The following LCOR variants were observed in gnomAD, a reference collection of about 807,000 sequenced individuals.
The protein encoded by LCOR is ligand-dependent corepressor.
A neutral mutation model predicts 64.4 loss-of-function variants in LCOR; 14 were observed. That is an observed-to-expected ratio of 0.22 (90% CI 0.14 to 0.34). LCOR has a LOEUF of 0.34. Among genes scored for constraint, LCOR ranks in the 10% least tolerant of loss-of-function variants. The pLI is 1.00. For missense variants in LCOR, 1,686 were observed against 1,765.3 expected (o/e 0.96, Z 0.80); for synonymous variants, 643 against 642.5 (o/e 1.00, Z -0.01).
In LCOR at chr10:96,915,695, A is replaced by T. The variant is rs537670527; in HGVS notation, c.-184+7948A>T. On this transcript the variant is annotated intron_variant, in intron 4 of 7. Coordinates refer to ENST00000421806, the MANE Select transcript of LCOR (RefSeq NM_001346516.2). Reference sequence around the variant, plus strand: ...TCTGATTTGGCATTTCCCATTTTCTACAGGGTTATTCACCTCCTTGCCAGC... The same window carrying T: ...TCTGATTTGGCATTTCCCATTTTCTTCAGGGTTATTCACCTCCTTGCCAGC... 1.1e-5 allele frequency: 8 copies of T among 739,026 alleles called. No homozygotes were observed. The East Asian group carries it at 2.1e-4, about 20-fold the overall frequency. The allele number at this position is 739,026 out of a possible 1,614,324, so 45.8% of individuals were successfully genotyped here. A position where few individuals can be genotyped will look rare whatever the true frequency, so the allele number is the denominator to read the frequency against.
Position 96,984,781 on chromosome 10 carries a change from G to C in LCOR, c.4321G>C (p.Asp1441His). 1 of 1,614,052 alleles carries C rather than the reference G, an allele frequency of 6.2e-7. No individual in the cohort carries two copies. Among genetic ancestry groups the C allele is most frequent in the Non-Finnish European group, 8.5e-7 (1 of 1,180,006 alleles). ...TGCTGCCAAGAGGCCAGCTGCAAGG[G>C]ACAGAAGCAGCCAACCCCCCAAAAA... ...TPAAKRPAAR[D>H]RSSQPPKKTS... The change falls in exon 8 of 8, where the codon GAC (aspartate) becomes CAC (histidine). Residue 1441 changes from aspartate to histidine, a missense_variant. Physicochemically the swap from Asp to His is moderately conservative, Grantham distance 81. Transcript: ENST00000421806.
At chr10:96,880,381 A>G (rs969656177) in intron 2 of LCOR, among the ~76,000 whole-genome samples, 1 of 152,058 alleles carries the variant, frequency 6.6e-6, no homozygotes, top group Admixed American at 6.6e-5. Context: ...TAGGTTATCT[A>G]TATTCCTTGT....
intron 2 of LCOR, among the ~76,000 whole-genome samples, chr10:96,846,877 T>C (rs778513665): frequency 3.2e-4 from 49 of 152,236 alleles, no homozygotes; most frequent in Non-Finnish European, 6.3e-4. Flanking sequence ...TGCTTAACTT[T>C]ATGTAACATA....
chr10:96,956,683 A>G (rs1395505455), intron 7 of LCOR: 1 of 985,784 alleles, frequency 1.0e-6, no homozygotes, highest in African/African-American at 1.7e-5. Flanking sequence ...CTAAGGGTAG[A>G]ATTTGGTCTC....
rs866073926 is a variant in LCOR, at chr10:96,961,258, G to A, written c.332+9062G>A. 3 of 152,116 alleles carry A rather than the reference G, an allele frequency of 2.0e-5. No individual in the cohort carries two copies. The South Asian group carries it at 6.2e-4, about 32-fold the overall frequency. 9.4% of individuals were successfully genotyped at this position (152,116 alleles called of 1,614,324 possible). ...CATGAGCTAATTCTGCAACCGTTTGGGGGGTAATTTTATGGTTTCCAGTTC... is the reference window on the plus strand; with the variant it reads ...CATGAGCTAATTCTGCAACCGTTTGAGGGGTAATTTTATGGTTTCCAGTTC... On this transcript the variant is annotated intron_variant, in intron 7 of 7. Transcript: ENST00000421806.
Position 96,983,583 on chromosome 10 carries a change from C to T in LCOR, c.3123C>T (p.Tyr1041=). The change falls in exon 8 of 8, where the codon TAC becomes TAT. Residue 1041 remains tyrosine, a synonymous_variant. Transcript: ENST00000421806. The surrounding 1 kb of genome is among the most constrained non-coding windows in gnomAD (Gnocchi z 4.5). ...PRPKRLTSST[Y]NLRHAHSLGS... ...CTAAAAGATTGACCTCTTCAACCTA[C>T]AACCTAAGACACGCTCATTCTCTGG... 6.2e-7 allele frequency: 1 copy of T among 1,614,184 alleles called. No homozygotes were observed. The highest frequency in any genetic ancestry group is 8.5e-7 in the Non-Finnish European group (1 of 1,180,042).
At chr10:96,926,816 T>C in intron 4 of LCOR, among the ~76,000 whole-genome samples, 1 of 152,324 alleles carries the variant, frequency 6.6e-6, no homozygotes, top group Admixed American at 6.5e-5. Context: ...TTGACTTCTT[T>C]TTGTTAGCAT....
At chr10:96,857,159 TCA>T (rs1845820152) in intron 2 of LCOR, among the ~76,000 whole-genome samples, 1 of 152,172 alleles carries the variant, frequency 6.6e-6, no homozygotes, top group Non-Finnish European at 1.5e-5. Flanking sequence ...TATTTCTATC[TCA>T]CAAGACATTT....
intron 4 of LCOR, among the ~76,000 whole-genome samples, chr10:96,922,749 CT>C (rs1317401375): frequency 6.6e-6 from 1 of 152,122 alleles, no homozygotes; most frequent in African/African-American, 2.4e-5. Context: ...ACAGCAAATG[CT>C]GATTATAGAT....
At chr10:96,888,237 C>G (rs561868570) in intron 2 of LCOR, among the ~76,000 whole-genome samples, 3 of 150,634 alleles carry the variant, frequency 2.0e-5, no homozygotes, top group Admixed American at 1.3e-4. Context: ...TGGTGGTGGC[C>G]GCCTGTAATC....
At position 96,982,624 on chromosome 10, in the gene LCOR, AAGGCTG is replaced by A; in HGVS notation, c.2168_2173del (p.Ala723_Glu724del). 6.2e-7 allele frequency: 1 copy of A among 1,614,162 alleles called. No homozygotes were observed. On this transcript the variant is annotated inframe_deletion, in exon 8 of 8. Coordinates refer to ENST00000421806, the MANE Select transcript of LCOR (RefSeq NM_001346516.2). ...CTTGGAGCCCCCCATGAGTCTGGGA[AAGGCTG>A]AGGACAACCAAAGCATCAGTGCTGA...
chr10:96,991,426 A>C lies in LCOR; in HGVS notation c.*6292A>C, dbSNP rs1023279447. 1 of 152,250 alleles carries C rather than the reference A, an allele frequency of 6.6e-6. No individual in the cohort carries two copies. Among genetic ancestry groups the C allele is most frequent in the African/African-American group, 2.4e-5 (1 of 41,458 alleles). 9.4% of individuals were successfully genotyped at this position (152,250 alleles called of 1,614,324 possible). On this transcript the variant is annotated 3_prime_UTR_variant, in exon 8 of 8. Transcript: ENST00000421806. ...TACAGTCTTCATTTTTATGAATCAGAGTGAACTTGACTGTGGTAGACATTC... is the reference window on the plus strand; with the variant it reads ...TACAGTCTTCATTTTTATGAATCAGCGTGAACTTGACTGTGGTAGACATTC...
intron 2 of LCOR, among the ~76,000 whole-genome samples, chr10:96,844,371 A>T (rs544439296): frequency 6.6e-6 from 1 of 151,626 alleles, no homozygotes; most frequent in Non-Finnish European, 1.5e-5. Context: ...GTTTTCTTCA[A>T]TCTTCAGCAT....
At chr10:96,855,652 T>C (rs904871122) in intron 2 of LCOR, among the ~76,000 whole-genome samples, 6 of 152,034 alleles carry the variant, frequency 3.9e-5, no homozygotes, top group African/African-American at 7.2e-5. Context: ...GCCAGGCTGG[T>C]CTCCGACTCC....
At chr10:96,907,373 A>G (rs1317536548) in intron 3 of LCOR, 43 bp downstream of exon 3, 16 of 663,550 alleles carry the variant, frequency 2.4e-5, no homozygotes, top group Non-Finnish European at 3.0e-5. Flanking sequence ...TCCTGGTGCC[A>G]TACATGATAC....
intron 5 of LCOR, among the ~76,000 whole-genome samples, chr10:96,946,283 A>G (rs1847588830): frequency 6.6e-6 from 1 of 152,088 alleles, no homozygotes; most frequent in Non-Finnish European, 1.5e-5. Context: ...TCAGATGCTT[A>G]GATTTGGTCC....
chr10:96,966,469 C>G (rs1415884445), intron 7 of LCOR, among the ~76,000 whole-genome samples: 3 of 151,864 alleles, frequency 2.0e-5, no homozygotes, highest in Non-Finnish European at 2.9e-5. Flanking sequence ...ACCTCGTGAT[C>G]CGCCCGTCTC....
chr10:96,902,634 C>T (rs1383723883), intron 2 of LCOR, among the ~76,000 whole-genome samples: 1 of 152,126 alleles, frequency 6.6e-6, no homozygotes, highest in East Asian at 1.9e-4. Context: ...TACTATTGCA[C>T]CAACCCAATA....
chr10:96,851,838 G>A (rs560583498), intron 2 of LCOR, among the ~76,000 whole-genome samples: 37 of 152,268 alleles, frequency 2.4e-4, no homozygotes, highest in Middle Eastern at 3.4e-3. Context: ...GTTGATTCAG[G>A]TATTCTGGTG....
Sources: gnomAD v4.1 joint callset for allele counts (sites outside exome capture counted in the v4.1 genomes callset) on GRCh38, gnomAD v4.1.1 for gene constraint, Gnocchi (gnomAD v3.1) non-coding constraint, MANE v1.5 for transcripts, NCBI Gene and HGNC (gene_info 2026-07-23, HGNC 2026-07-21) for gene names.